ADGRF5: variants seen among roughly 807,000 people sequenced by gnomAD.
ADGRF5 encodes the protein G-protein coupled receptor 116.
In ADGRF5, 75 loss-of-function variants were observed where a neutral mutation model predicts 132.3. The ratio of observed to expected loss-of-function variants is 0.57; its 90% CI spans 0.47 to 0.69. ADGRF5 has a LOEUF of 0.69. Ranked by LOEUF, ADGRF5 falls within the 30% of genes least tolerant of loss-of-function variation. The probability of loss-of-function intolerance (pLI) is 0.00; values close to 1 mark genes in which losing one functional copy is unlikely to be tolerated. For missense variants in ADGRF5, 1,516 were observed against 1,630.6 expected (o/e 0.93, Z 1.21); for synonymous variants, 629 against 597.6 (o/e 1.05, Z -0.77).
chr6:46,878,117 T>TC (rs1772015804), intron 10 of ADGRF5, 85 bp downstream of exon 10: 2 of 854,252 alleles, frequency 2.3e-6, no homozygotes, highest in African/African-American at 1.7e-5. Flanking sequence ...ATCTGACATT[T>TC]CCCCTTCCAT....
intron 1 of ADGRF5, among the ~76,000 whole-genome samples, chr6:46,953,385 G>A (rs1001600036): frequency 2.0e-5 from 3 of 151,964 alleles, no homozygotes; most frequent in African/African-American, 7.3e-5. Flanking sequence ...ATTTTGGGAG[G>A]CCAAAGTGGG....
intron 2 of ADGRF5, among the ~76,000 whole-genome samples, chr6:46,902,971 A>C (rs1401582516): frequency 6.6e-6 from 1 of 152,160 alleles, no homozygotes; most frequent in African/African-American, 2.4e-5. Flanking sequence ...GATTTTTAGG[A>C]GATGTCATTC....
At chr6:46,921,431 A>T (rs1562242979) in intron 1 of ADGRF5, among the ~76,000 whole-genome samples, 1 of 151,902 alleles carries the variant, frequency 6.6e-6, no homozygotes, top group Admixed American at 6.6e-5. Flanking sequence ...TGTTTGAAAA[A>T]AAAAAAGTCT....
chr6:46,881,344 T>C, intron 8 of ADGRF5, 111 bp downstream of exon 8: 1 of 872,932 alleles, frequency 1.1e-6, no homozygotes, highest in East Asian at 2.5e-5. Flanking sequence ...GAACCCCCTG[T>C]GCCAGGAACT....
intron 1 of ADGRF5, among the ~76,000 whole-genome samples, chr6:46,909,480 G>A (rs998311143): frequency 5.3e-5 from 8 of 152,234 alleles, no homozygotes; most frequent in African/African-American, 1.7e-4. Flanking sequence ...TGTCTGTGAA[G>A]TTAGAAGACA....
upstream of ADGRF5, among the ~76,000 whole-genome samples, chr6:46,925,551 G>T (rs1337378069): frequency 1.4e-5 from 1 of 71,110 alleles, no homozygotes; most frequent in East Asian, 3.7e-4. Context: ...GAGGTCAGGA[G>T]TTCGAAACCA....
rs1269700592 is a variant in ADGRF5, at chr6:46,954,439, A to G, written c.-25+295T>C. Among the ~76,000 whole-genome samples, 3 of 151,806 alleles carry G rather than the reference A, an allele frequency of 2.0e-5. No individual in the cohort carries two copies. The East Asian group carries it at 5.8e-4, about 29-fold the overall frequency. On this transcript the variant is annotated intron_variant, in intron 1 of 20. Transcript: ENST00000265417. ...AATTACCCCTTATGCAGAAGCCAAA[A>G]AAAAAAAAAAACTACTTCTAATGAG...
chr6:46,908,280 G>C (rs771037366), intron 1 of ADGRF5, among the ~76,000 whole-genome samples: 2 of 152,174 alleles, frequency 1.3e-5, no homozygotes, highest in Non-Finnish European at 2.9e-5. Context: ...GCAATGTACT[G>C]CTTAATTTTC....
rs150321582 is a variant in ADGRF5 at position 46,894,950 on chromosome 6, G to A, written c.157+5079C>T. ...TACCAGCACTTTAGGAAGCCAAGGC[G>A]GGCAGATCATGAGGTCAGGAGATGG... On this transcript the variant is annotated intron_variant, in intron 3 of 20. Transcript: ENST00000283296. 6.8e-3 allele frequency among the ~76,000 whole-genome samples: 1,038 copies of A among 152,292 alleles called. 13 individuals carry two copies. Among genetic ancestry groups the A allele is most frequent in the African/African-American group, 0.024 (989 of 41,558 alleles).
upstream of ADGRF5, among the ~76,000 whole-genome samples, chr6:46,923,030 G>A (rs563410712): frequency 3.9e-5 from 6 of 152,308 alleles, no homozygotes; most frequent in South Asian, 1.2e-3. Context: ...GGGTTCAAGC[G>A]ATTCTCCTGC....
intron 17 of ADGRF5, among the ~76,000 whole-genome samples, chr6:46,857,388 C>T (rs1330016759): frequency 6.6e-6 from 1 of 152,268 alleles, no homozygotes; most frequent in East Asian, 1.9e-4. Flanking sequence ...TGCCTCCAGC[C>T]TCTGCCTCTT....
intron 1 of ADGRF5, among the ~76,000 whole-genome samples, chr6:46,915,135 C>A (rs182938834): frequency 2.6e-5 from 4 of 151,980 alleles, no homozygotes; most frequent in Admixed American, 2.6e-4. Context: ...GGATTATAGA[C>A]GTGAGCCACT....
chr6:46,897,198 T>A lies in ADGRF5; in HGVS notation c.157+2831A>T, dbSNP rs373476018. ...CACACATATAAATTCAAGGGGCCAG[T>A]TAGGTTATGTAACTGACCAGTCACA... On this transcript the variant is annotated intron_variant, in intron 3 of 20. Transcript: ENST00000283296. 2.8e-3 allele frequency among the ~76,000 whole-genome samples: 416 copies of A among 148,762 alleles called. 1 individual carries two copies. Among genetic ancestry groups the A allele is most frequent in the African/African-American group, 9.8e-3 (393 of 39,938 alleles).
At chr6:46,866,638 A>T (rs894341373) in intron 13 of ADGRF5, among the ~76,000 whole-genome samples, 23 of 152,022 alleles carry the variant, frequency 1.5e-4, no homozygotes, top group Non-Finnish European at 3.1e-4. Flanking sequence ...AGATTGTCAG[A>T]ATATCTAGTC....
chr6:46,890,266 T>G (rs751194543), intron 3 of ADGRF5, among the ~76,000 whole-genome samples: 18 of 152,024 alleles, frequency 1.2e-4, no homozygotes, highest in Admixed American at 3.9e-4. Context: ...CTAATTTCTG[T>G]ACTTTTTGTA....
At chr6:46,889,151 G>A (rs973072781) in intron 3 of ADGRF5, among the ~76,000 whole-genome samples, 1 of 147,486 alleles carries the variant, frequency 6.8e-6, no homozygotes, top group African/African-American at 2.5e-5. Context: ...CATCAGGCAG[G>A]CTAATATATA....
chr6:46,884,841 C>A (rs1243341029), intron 4 of ADGRF5, among the ~76,000 whole-genome samples: 1 of 152,164 alleles, frequency 6.6e-6, no homozygotes, highest in African/African-American at 2.4e-5. Flanking sequence ...TGGCAAGGAA[C>A]TGAGGTCTAC....
chr6:46,874,067 A>G (rs188929703), intron 10 of ADGRF5, among the ~76,000 whole-genome samples: 112 of 152,306 alleles, frequency 7.4e-4, no homozygotes, highest in African/African-American at 2.3e-3. Flanking sequence ...TCTATTGGCT[A>G]TCAGACCTTA....
chr6:46,875,671 G>A (rs1049153681), intron 10 of ADGRF5, among the ~76,000 whole-genome samples: 1 of 152,082 alleles, frequency 6.6e-6, no homozygotes, highest in Non-Finnish European at 1.5e-5. Flanking sequence ...CAGCTACTCG[G>A]GAGGCTGAGG....
Sources: allele counts gnomAD v4.1 joint callset (sites outside exome capture counted in the v4.1 genomes callset), GRCh38; gene constraint gnomAD v4.1.1; transcripts MANE v1.5; gene names NCBI Gene and HGNC (gene_info 2026-07-23, HGNC 2026-07-21).